FAM13A: variants seen among roughly 807,000 people sequenced by gnomAD.
FAM13A encodes family with sequence similarity 13 member A.
In FAM13A, 76 loss-of-function variants were observed where a neutral mutation model predicts 129.6. The ratio of observed to expected loss-of-function variants is 0.59; its 90% CI spans 0.49 to 0.71. FAM13A has a LOEUF of 0.71. FAM13A is among the 30% of genes least tolerant of loss of function. The pLI, the probability that FAM13A is intolerant of heterozygous loss-of-function variation, is 0.00. For synonymous variants in FAM13A, 443 were observed against 449.9 expected (o/e 0.98, Z 0.20); for missense variants, 1,108 against 1,249.3 (o/e 0.89, Z 1.70).
intron 1 of FAM13A, among the ~76,000 whole-genome samples, chr4:89,042,743 ATTTCTC>A (rs1454171991): frequency 8.3e-6 from 1 of 119,880 alleles, no homozygotes; most frequent in Non-Finnish European, 1.8e-5. Flanking sequence ...ATCCATTTAA[ATTTCTC>A]TTTATGTTTT....
Position 88,853,832 on chromosome 4 carries a change from C to T in FAM13A, c.844-2649G>A, listed in dbSNP as rs531742894. Among the ~76,000 whole-genome samples the T allele has an allele frequency of 1.3e-4, 20 of 152,310 alleles. No individual in the cohort carries two copies. The East Asian group carries it at 2.7e-3, about 21-fold the overall frequency. On this transcript the variant is annotated intron_variant, in intron 6 of 23. Transcript: ENST00000264344. ...GCTAGGATAAAAGCAGGCAGAGGAA[C>T]GTGGAAGGACTAGACTGGCTGAGTG...
chr4:88,748,280 A>C (rs1051678458), intron 17 of FAM13A, among the ~76,000 whole-genome samples: 3 of 152,228 alleles, frequency 2.0e-5, no homozygotes, highest in African/African-American at 7.2e-5. Context: ...ATCTAGTTAC[A>C]GTATCAGTAG....
At chr4:88,823,367 C>T in intron 7 of FAM13A, 2 of 996,226 alleles carry the variant, frequency 2.0e-6, no homozygotes, top group Middle Eastern at 4.3e-4. Flanking sequence ...TCAATGGTCC[C>T]TCCTCCTCCT....
intron 6 of FAM13A, among the ~76,000 whole-genome samples, chr4:88,871,905 G>A (rs1456103132): frequency 6.6e-6 from 1 of 152,186 alleles, no homozygotes; most frequent in East Asian, 1.9e-4. Flanking sequence ...GAAAGGTCGG[G>A]TTACCCACAA....
intron 4 of FAM13A, among the ~76,000 whole-genome samples, chr4:88,945,990 G>GTATGTATGTGTGTGTATATATA (rs1553901196): frequency 1.6e-5 from 1 of 61,966 alleles, no homozygotes; most frequent in African/African-American, 8.6e-5. Flanking sequence ...GTGTGTGTGT[G>GTATGTATGTGTGTGTATATATA]TATATATATA....
At chr4:88,932,959 C>T (rs889840375) in intron 5 of FAM13A, among the ~76,000 whole-genome samples, 2 of 152,120 alleles carry the variant, frequency 1.3e-5, no homozygotes, top group Admixed American at 6.6e-5. Context: ...AACATATAAT[C>T]AGCACTCCTC....
chr4:88,741,440 T>C (rs1740229768), intron 19 of FAM13A, among the ~76,000 whole-genome samples: 1 of 151,836 alleles, frequency 6.6e-6, no homozygotes. Context: ...ATAAGAAAAA[T>C]CCACACAGTT....
chr4:89,039,946 C>T (rs1018211298), intron 1 of FAM13A, among the ~76,000 whole-genome samples: 4 of 151,260 alleles, frequency 2.6e-5, no homozygotes, highest in Non-Finnish European at 2.9e-5. Context: ...GAGCAAGACA[C>T]TGTCTCTTTA....
chr4:88,930,415 C>T (rs1057088797), intron 5 of FAM13A, among the ~76,000 whole-genome samples: 1 of 151,964 alleles, frequency 6.6e-6, no homozygotes, highest in African/African-American at 2.4e-5. Context: ...TTTTGGGCAC[C>T]TGAGGTAGTA....
At chr4:88,825,878 C>T (rs1481946984) in intron 7 of FAM13A, among the ~76,000 whole-genome samples, 1 of 151,930 alleles carries the variant, frequency 6.6e-6, no homozygotes, top group Non-Finnish European at 1.5e-5. Context: ...ATGCTTTTTC[C>T]AGTCTCCATC....
intron 10 of FAM13A, among the ~76,000 whole-genome samples, chr4:88,782,359 G>C (rs1723119554): frequency 6.6e-6 from 1 of 151,792 alleles, no homozygotes; most frequent in Admixed American, 6.6e-5. Context: ...CCATGGCTTG[G>C]TAAGGAACAA....
At chr4:88,993,134 T>C (rs1261584789) in intron 3 of FAM13A, among the ~76,000 whole-genome samples, 1 of 152,218 alleles carries the variant, frequency 6.6e-6, no homozygotes, top group Non-Finnish European at 1.5e-5. Context: ...ACTACTTATG[T>C]GACCTACGTT....
At chr4:88,949,040 A>G (rs1186158864) in intron 4 of FAM13A, among the ~76,000 whole-genome samples, 2 of 152,210 alleles carry the variant, frequency 1.3e-5, no homozygotes, top group East Asian at 3.8e-4. Context: ...TCTACCTACA[A>G]TAACTTTTTT....
intron 7 of FAM13A, among the ~76,000 whole-genome samples, chr4:88,808,493 G>A (rs906651599): frequency 6.6e-6 from 1 of 151,964 alleles, no homozygotes; most frequent in African/African-American, 2.4e-5. Context: ...TGATACTAAA[G>A]GATTTTGCCT....
chr4:88,946,641 A>G (rs569122801), intron 4 of FAM13A, among the ~76,000 whole-genome samples: 4 of 152,186 alleles, frequency 2.6e-5, no homozygotes, highest in Admixed American at 2.0e-4. Flanking sequence ...TCAGTTACAA[A>G]ACATTAACAA....
chr4:89,034,521 C>T (rs998861211), intron 1 of FAM13A, among the ~76,000 whole-genome samples: 7 of 152,202 alleles, frequency 4.6e-5, no homozygotes, highest in African/African-American at 1.4e-4. Context: ...TTAGAGATTT[C>T]TCAAAGAACT....
chr4:88,857,539 T>C (rs957300194), intron 6 of FAM13A, among the ~76,000 whole-genome samples: 2 of 145,028 alleles, frequency 1.4e-5, no homozygotes, highest in African/African-American at 5.2e-5. Context: ...TGAGGCAGGA[T>C]AATCGCTTGA....
chr4:89,005,158 C>A (rs529595164), intron 3 of FAM13A, among the ~76,000 whole-genome samples: 1 of 152,302 alleles, frequency 6.6e-6, no homozygotes, highest in East Asian at 1.9e-4. Context: ...TAAGTGAGAA[C>A]AAGCAGCATT....
At chr4:89,036,323 A>G (rs1011392791) in intron 1 of FAM13A, among the ~76,000 whole-genome samples, 1 of 152,102 alleles carries the variant, frequency 6.6e-6, no homozygotes, top group African/African-American at 2.4e-5. Flanking sequence ...TTCTCTAGGG[A>G]TGTGTGAAAC....
Sources: gnomAD v4.1 joint callset for allele counts (sites outside exome capture counted in the v4.1 genomes callset) on GRCh38, gnomAD v4.1.1 for gene constraint, MANE v1.5 for transcripts, NCBI Gene and HGNC (gene_info 2026-07-23, HGNC 2026-07-21) for gene names.